The following LGSN variants were observed in gnomAD, a reference collection of about 807,000 sequenced individuals.
LGSN encodes lengsin.
A neutral mutation model predicts 19.5 loss-of-function variants in LGSN; 21 were observed. That is an observed-to-expected ratio of 1.07 (90% confidence interval 0.76 to 1.55). LGSN has a LOEUF of 1.55. Among genes scored for constraint, LGSN ranks in the 40% most tolerant of loss-of-function variants. LGSN has a pLI of 0.00. For synonymous variants in LGSN, 257 were observed against 215.6 expected (o/e 1.19, Z -1.68); for missense variants, 673 against 608.5 (o/e 1.11, Z -1.12).
chr6:63,353,605 A>T, the LGSN span, among the ~76,000 whole-genome samples: 10 of 150,892 alleles, frequency 6.6e-5, no homozygotes, highest in East Asian at 1.7e-3. Flanking sequence ...AAAAAAAAAA[A>T]AAGAAAAAAT....
chr6:63,560,690 C>A, the LGSN span, among the ~76,000 whole-genome samples: 1 of 152,012 alleles, frequency 6.6e-6, no homozygotes, highest in African/African-American at 2.4e-5. Context: ...AGGTGTGAGC[C>A]ACCGCACCCA....
At chr6:63,477,673 C>CTTTTT in the LGSN span, among the ~76,000 whole-genome samples, 1 of 63,342 alleles carries the variant, frequency 1.6e-5, no homozygotes, top group South Asian at 5.3e-4. Flanking sequence ...TTTTCTTCTT[C>CTTTTT]TTCTTCTTTT....
At chr6:63,330,137 TC>T in the LGSN span, among the ~76,000 whole-genome samples, 1 of 152,334 alleles carries the variant, frequency 6.6e-6, no homozygotes, top group Middle Eastern at 3.4e-3. Flanking sequence ...CAGTGCACCT[TC>T]CAGTGATTGC....
intron 1 of LGSN, among the ~76,000 whole-genome samples, chr6:63,303,488 T>C (rs770967007): frequency 6.6e-6 from 1 of 152,230 alleles, no homozygotes; most frequent in Non-Finnish European, 1.5e-5. Flanking sequence ...GACTGAATTG[T>C]CTTGGTCAAA....
At chr6:63,460,665 T>C in the LGSN span, among the ~76,000 whole-genome samples, 1 of 152,190 alleles carries the variant, frequency 6.6e-6, no homozygotes, top group Admixed American at 6.6e-5. Context: ...GTGAAAACTA[T>C]GTTTCCCAGA....
the LGSN span, chr6:63,571,508 T>C: frequency 6.6e-6 from 1 of 152,176 alleles, no homozygotes; most frequent in South Asian, 2.1e-4. Context: ...GCTTAAATAA[T>C]GAAGTCAGTA....
the LGSN span, among the ~76,000 whole-genome samples, chr6:63,538,243 C>T: frequency 5.9e-5 from 9 of 152,164 alleles, no homozygotes; most frequent in Non-Finnish European, 4.4e-5. Context: ...TGGTTGGAAG[C>T]TGGCATCAGA....
chr6:63,541,710 G>A, the LGSN span, among the ~76,000 whole-genome samples: 4 of 152,036 alleles, frequency 2.6e-5, no homozygotes, highest in African/African-American at 9.7e-5. Flanking sequence ...AGCCCCTACT[G>A]TCTCCATCCA....
chr6:63,408,632 T>C, the LGSN span, among the ~76,000 whole-genome samples: 1 of 150,736 alleles, frequency 6.6e-6, no homozygotes, highest in Admixed American at 6.6e-5. Context: ...AAGGACTTCA[T>C]GTCTAAAACA....
chr6:63,564,971 G>T, the LGSN span, among the ~76,000 whole-genome samples: 15 of 152,294 alleles, frequency 9.8e-5, no homozygotes, highest in African/African-American at 3.6e-4. Context: ...GCATGCAAAT[G>T]AAAAGTATTC....
the LGSN span, among the ~76,000 whole-genome samples, chr6:63,535,611 C>T: frequency 1.3e-5 from 2 of 152,000 alleles, no homozygotes; most frequent in East Asian, 1.9e-4. Context: ...TATGAGGTAT[C>T]GAATGTTAAT....
chr6:63,446,136 A>T, the LGSN span, among the ~76,000 whole-genome samples: 1 of 151,214 alleles, frequency 6.6e-6, no homozygotes, highest in African/African-American at 2.4e-5. Flanking sequence ...TGTAGTCCCA[A>T]CTACTCAGGA....
At chr6:63,572,975 C>G in the LGSN span, among the ~76,000 whole-genome samples, 1 of 152,142 alleles carries the variant, frequency 6.6e-6, no homozygotes, top group Non-Finnish European at 1.5e-5. Flanking sequence ...TTTTGAGTCC[C>G]TCCCGAGCCC....
At chr6:63,486,804 GT>G in the LGSN span, among the ~76,000 whole-genome samples, 1 of 144,348 alleles carries the variant, frequency 6.9e-6, no homozygotes, top group South Asian at 2.2e-4. Context: ...CCCCACCTCA[GT>G]TTTTGTATGT....
the LGSN span, among the ~76,000 whole-genome samples, chr6:63,405,338 G>A: frequency 5.3e-3 from 811 of 151,758 alleles, 4 homozygotes; most frequent in South Asian, 0.025. Flanking sequence ...GGATGGCTGG[G>A]TCAACTGGTA....
At chr6:63,444,121 C>G in the LGSN span, among the ~76,000 whole-genome samples, 7 of 151,996 alleles carry the variant, frequency 4.6e-5, no homozygotes, top group Non-Finnish European at 8.8e-5. Context: ...GATGATGATG[C>G]CTCTCGAGTC....
At chr6:63,369,171 C>G in the LGSN span, among the ~76,000 whole-genome samples, 1 of 152,220 alleles carries the variant, frequency 6.6e-6, no homozygotes, top group Non-Finnish European at 1.5e-5. Context: ...CACCAAACAT[C>G]CATCCAGCAT....
chr6:63,451,499 C>A, the LGSN span, among the ~76,000 whole-genome samples: 9 of 152,168 alleles, frequency 5.9e-5, 2 homozygotes, highest in African/African-American at 1.9e-4. Context: ...AACAGAAAAC[C>A]AAATACCACA....
At chr6:63,304,748 C>T (rs1174598417) in intron 1 of LGSN, among the ~76,000 whole-genome samples, 1 of 152,282 alleles carries the variant, frequency 6.6e-6, no homozygotes, top group African/African-American at 2.4e-5. Flanking sequence ...AGTATTCTCC[C>T]TGGTATGCTA....
Sources: gnomAD v4.1 joint callset for allele counts (sites outside exome capture counted in the v4.1 genomes callset) on GRCh38, gnomAD v4.1.1 for gene constraint, MANE v1.5 for transcripts, NCBI Gene and HGNC (gene_info 2026-07-23, HGNC 2026-07-21) for gene names.